The following RORA variants were observed in gnomAD, a reference collection of about 807,000 sequenced individuals.
The protein encoded by RORA is nuclear receptor ROR-alpha.
Under a neutral mutation model 69.5 loss-of-function variants are expected in RORA, and 7 were observed. The observed-to-expected ratio is 0.10, with a 90% confidence interval of 0.06 to 0.19. The LOEUF (loss-of-function observed/expected upper bound fraction) is 0.19, where lower values mean the gene tolerates loss of function less well. RORA is among the 10% of genes least tolerant of loss of function. RORA has a pLI of 1.00. For missense variants in RORA, 457 were observed against 663.0 expected, an observed-to-expected ratio of 0.69 and a Z score of 3.41; for synonymous variants, 261 against 240.8, an observed-to-expected ratio of 1.08 and a Z score of -0.78.
chr15:60,576,981 TTAAAGA>T (rs1433165034), intron 2 of RORA, among the ~76,000 whole-genome samples: 1 of 152,188 alleles, frequency 6.6e-6, no homozygotes, highest in Non-Finnish European at 1.5e-5. Flanking sequence ...TTGCAGATGA[TTAAAGA>T]TAAACTGTAA....
At chr15:60,695,944 G>A (rs1056802878) in intron 1 of RORA, among the ~76,000 whole-genome samples, 1 of 152,088 alleles carries the variant, frequency 6.6e-6, no homozygotes, top group African/African-American at 2.4e-5. Flanking sequence ...ACAAAGCACT[G>A]TTCCCGCGAC....
At chr15:60,925,111 T>C (rs1367860862) in intron 1 of RORA, among the ~76,000 whole-genome samples, 2 of 127,364 alleles carry the variant, frequency 1.6e-5, no homozygotes, top group African/African-American at 3.6e-5. Context: ...TAAAATAAAA[T>C]AAAATAAAAT....
chr15:61,223,093 T>A (rs1433685352), intron 1 of RORA, among the ~76,000 whole-genome samples: 2 of 152,006 alleles, frequency 1.3e-5, no homozygotes, highest in Non-Finnish European at 2.9e-5. Context: ...GCGGGTGGAT[T>A]GTCTAAGCTC....
chr15:61,066,879 C>CAAAAAAAAA (rs33936803), intron 1 of RORA, among the ~76,000 whole-genome samples: 5 of 71,292 alleles, frequency 7.0e-5, no homozygotes, highest in Non-Finnish European at 7.5e-5. Context: ...TTCATAAGAC[C>CAAAAAAAAA]AAAAAAAAAA....
At chr15:60,835,450 C>T (rs1283256131) in intron 1 of RORA, among the ~76,000 whole-genome samples, 2 of 152,190 alleles carry the variant, frequency 1.3e-5, no homozygotes, top group African/African-American at 4.8e-5. Flanking sequence ...ACAGAACCTA[C>T]AGAAACACCA....
chr15:60,612,659 C>CTTTTTTTTTTTTTTTTTTTTTTTT (rs1567123636), intron 2 of RORA, among the ~76,000 whole-genome samples: 1 of 117,328 alleles, frequency 8.5e-6, no homozygotes, highest in Non-Finnish European at 1.7e-5. Flanking sequence ...CTCTCTCTCT[C>CTTTTTTTTTTTTTTTTTTTTTTTT]TGTTTTTTTT....
At chr15:60,966,115 C>T (rs549762547) in intron 1 of RORA, among the ~76,000 whole-genome samples, 1 of 152,148 alleles carries the variant, frequency 6.6e-6, no homozygotes, top group Non-Finnish European at 1.5e-5. Context: ...TTCTCCTTGG[C>T]CACTCAATGG....
At chr15:60,859,811 C>T (rs551459364) in intron 1 of RORA, among the ~76,000 whole-genome samples, 3 of 152,088 alleles carry the variant, frequency 2.0e-5, no homozygotes, top group Admixed American at 6.5e-5. Context: ...GGAATTTACC[C>T]GATGAAATCC....
intron 1 of RORA, among the ~76,000 whole-genome samples, chr15:61,227,046 C>T (rs914017785): frequency 6.6e-6 from 1 of 152,086 alleles, no homozygotes; most frequent in East Asian, 1.9e-4. Flanking sequence ...ATTTGCTAGT[C>T]GGCTCTGCAG....
chr15:60,772,487 C>T (rs148355050), intron 1 of RORA, among the ~76,000 whole-genome samples: 2 of 152,282 alleles, frequency 1.3e-5, no homozygotes, highest in East Asian at 3.9e-4. Flanking sequence ...TCAGCTTTAA[C>T]TTTCTTTAAA....
At chr15:60,660,372 C>T (rs925637406) in intron 2 of RORA, among the ~76,000 whole-genome samples, 9 of 152,198 alleles carry the variant, frequency 5.9e-5, no homozygotes, top group African/African-American at 2.2e-4. Context: ...TAATGGAATG[C>T]TTTAAAGATA....
intron 3 of RORA, among the ~76,000 whole-genome samples, chr15:60,516,143 A>C (rs1595893295): frequency 1.5e-5 from 1 of 66,412 alleles, no homozygotes; most frequent in Admixed American, 2.7e-4. Context: ...ATATTTATAT[A>C]TATTTATATA....
At chr15:60,648,292 CTAATTA>C (rs1160688514) in intron 2 of RORA, among the ~76,000 whole-genome samples, 6 of 152,286 alleles carry the variant, frequency 3.9e-5, no homozygotes, top group East Asian at 3.9e-4. Flanking sequence ...GATGCATATT[CTAATTA>C]TATCAATATT....
rs112275416 is a variant in RORA, at chr15:60,701,750, C to A, written c.167-23064G>T. Among the ~76,000 whole-genome samples, 1,249 of 152,192 alleles carry A rather than the reference C, an allele frequency of 8.2e-3. 17 individuals carry two copies. The highest frequency in any genetic ancestry group is 0.028 in the African/African-American group (1,155 of 41,528). ...CTATAGGAGAGAGAGGAACGGTGCT[C>A]CTCTCCTTCCGTATTGCAAACATGC... is the stretch of plus-strand genomic sequence containing the variant. On this transcript the variant is annotated intron_variant, in intron 1 of 10. Transcript: ENST00000335670.
chr15:60,790,716 C>A (rs1332169781), intron 1 of RORA, among the ~76,000 whole-genome samples: 1 of 152,214 alleles, frequency 6.6e-6, no homozygotes, highest in African/African-American at 2.4e-5. Flanking sequence ...GCTGAGTATT[C>A]TGCTTTGCTA....
chr15:60,855,485 A>G (rs1024788481), intron 1 of RORA, among the ~76,000 whole-genome samples: 16 of 152,258 alleles, frequency 1.1e-4, no homozygotes, highest in Non-Finnish European at 1.3e-4. Context: ...GAGGGAGGAC[A>G]ACAGCAGAAT....
intron 1 of RORA, among the ~76,000 whole-genome samples, chr15:60,838,339 G>A (rs960888182): frequency 2.0e-5 from 3 of 152,192 alleles, no homozygotes; most frequent in Non-Finnish European, 4.4e-5. Flanking sequence ...ATCTGGAACA[G>A]AAAGGGAAAA....
chr15:61,076,981 TGG>T (rs2078460763), intron 1 of RORA, among the ~76,000 whole-genome samples: 1 of 150,396 alleles, frequency 6.6e-6, no homozygotes, highest in Admixed American at 6.6e-5. Context: ...TACACACAAG[TGG>T]GCCGTTGACT....
chr15:60,905,068 G>A lies in RORA; in HGVS notation c.167-226382C>T, dbSNP rs573083108. Reference sequence around the variant, plus strand: ...GGTGAGGGCTTGAGGCTCTGGGGGCGCTCGTCTTTAATGTTAATGAGACTC... The same window carrying A: ...GGTGAGGGCTTGAGGCTCTGGGGGCACTCGTCTTTAATGTTAATGAGACTC... On this transcript the variant is annotated intron_variant, in intron 1 of 10. Transcript: ENST00000335670. This position sits in a 1 kb window ranked among gnomAD's most constrained non-coding sequence, Gnocchi z 4.8. Among the ~76,000 whole-genome samples the A allele has an allele frequency of 2.0e-5, 3 of 152,120 alleles. No individual in the cohort carries two copies. Among genetic ancestry groups the A allele is most frequent in the South Asian group, 2.1e-4 (1 of 4,824 alleles).
Sources: gnomAD v4.1 joint callset for allele counts (sites outside exome capture counted in the v4.1 genomes callset) on GRCh38, gnomAD v4.1.1 for gene constraint, Gnocchi (gnomAD v3.1) non-coding constraint, MANE v1.5 for transcripts, NCBI Gene and HGNC (gene_info 2026-07-23, HGNC 2026-07-21) for gene names.